Variants in RGS7 observed in about 807,000 individuals in gnomAD.
The protein encoded by RGS7 is regulator of G-protein signaling 7.
Under a neutral mutation model 81.1 loss-of-function variants are expected in RGS7, and 27 were observed. That is an observed-to-expected ratio of 0.33 (90% CI 0.25 to 0.46). The LOEUF is 0.46. RGS7 is among the 20% of genes least tolerant of loss of function. RGS7 has a pLI of 1.00. For missense variants in RGS7, 396 were observed against 607.4 expected, an observed-to-expected ratio of 0.65 and a Z score of 3.66; for synonymous variants, 208 against 207.7, an observed-to-expected ratio of 1.00 and a Z score of -0.01.
Position 241,258,121 on chromosome 1 carries a change from G to A in RGS7, c.78+97578C>T, listed in dbSNP as rs560769415. Among the ~76,000 whole-genome samples, 119 of 152,248 alleles carry A rather than the reference G, an allele frequency of 7.8e-4. 1 individual carries two copies. The highest frequency in any genetic ancestry group is 2.6e-3 in the African/African-American group (108 of 41,550). ...TATATATAGTATTCTGGATTGGCAAGAAGTTTATTTCTTTTTTTATTTCAT... is the reference window on the plus strand; with the variant it reads ...TATATATAGTATTCTGGATTGGCAAAAAGTTTATTTCTTTTTTTATTTCAT... On this transcript the variant is annotated intron_variant, in intron 2 of 18. Coordinates refer to ENST00000440928, the MANE Select transcript of RGS7 (RefSeq NM_001364886.1).
At chr1:240,862,816 A>G (rs1202225007) in intron 9 of RGS7, among the ~76,000 whole-genome samples, 2 of 146,932 alleles carry the variant, frequency 1.4e-5, no homozygotes, top group East Asian at 3.9e-4. Context: ...TTTAAAATTG[A>G]TAGTGATTGC....
intron 2 of RGS7, among the ~76,000 whole-genome samples, chr1:241,190,088 G>GT (rs2072515571): frequency 6.6e-6 from 1 of 150,844 alleles, no homozygotes; most frequent in Admixed American, 6.6e-5. Context: ...GGGCGACAGA[G>GT]CAGACTCCGT....
intron 6 of RGS7, among the ~76,000 whole-genome samples, chr1:240,887,226 G>GTTTTTTTTTTT (rs71297739): frequency 3.9e-5 from 3 of 76,426 alleles, no homozygotes; most frequent in African/African-American, 7.4e-5. Flanking sequence ...GAGTATATAG[G>GTTTTTTTTTTT]TTTTTTTTTT....
intron 3 of RGS7, among the ~76,000 whole-genome samples, chr1:241,016,291 G>A (rs913023132): frequency 1.3e-5 from 2 of 152,086 alleles, no homozygotes; most frequent in Non-Finnish European, 2.9e-5. Context: ...AGGCCAAGGT[G>A]GTCTGATTAT....
At chr1:240,776,373 T>A (rs1682930603) in intron 18 of RGS7, among the ~76,000 whole-genome samples, 160 bp from the exon 19 acceptor site, 1 of 150,668 alleles carries the variant, frequency 6.6e-6, no homozygotes, top group Non-Finnish European at 1.5e-5. Context: ...CCAACCTGCC[T>A]TCCCCCCTCC....
chr1:241,313,629 C>A (rs1401130948), intron 2 of RGS7, among the ~76,000 whole-genome samples: 1 of 152,134 alleles, frequency 6.6e-6, no homozygotes, highest in Non-Finnish European at 1.5e-5. Flanking sequence ...TACTTTAAGT[C>A]TTACAAGTTA....
intron 4 of RGS7, among the ~76,000 whole-genome samples, chr1:240,944,260 A>ATG (rs35591630): frequency 0.068 from 3,492 of 51,624 alleles, 477 homozygotes; most frequent in East Asian, 0.2. Flanking sequence ...GTTATATTAT[A>ATG]TGTGTGTGTG....
intron 6 of RGS7, chr1:240,920,156 T>G: frequency 1.0e-6 from 1 of 970,700 alleles, no homozygotes. Context: ...AATACCACAC[T>G]GTGAATGGCC....
chr1:240,914,755 GA>G (rs200559796), intron 6 of RGS7, among the ~76,000 whole-genome samples: 3 of 150,704 alleles, frequency 2.0e-5, no homozygotes, highest in Admixed American at 2.0e-4. Flanking sequence ...ATCTCACAAA[GA>G]AAAAAAAAGC....
At chr1:240,987,777 G>A (rs1194453965) in intron 3 of RGS7, among the ~76,000 whole-genome samples, 1 of 152,010 alleles carries the variant, frequency 6.6e-6, no homozygotes, top group Non-Finnish European at 1.5e-5. Context: ...TGATCCTCCT[G>A]CTTCAGCCTC....
At chr1:241,256,331 G>A (rs2077050691) in intron 2 of RGS7, among the ~76,000 whole-genome samples, 1 of 152,048 alleles carries the variant, frequency 6.6e-6, no homozygotes. Flanking sequence ...ACTATGCTCT[G>A]AAAAAAATGT....
intron 2 of RGS7, among the ~76,000 whole-genome samples, chr1:241,264,973 C>T (rs1445658498): frequency 6.6e-6 from 1 of 152,322 alleles, no homozygotes; most frequent in South Asian, 2.1e-4. Context: ...GCCAAACAAC[C>T]CTCCTTATTA....
chr1:241,192,159 G>GGTGTGTGTGTGT (rs58714151), intron 2 of RGS7, among the ~76,000 whole-genome samples: 3,119 of 121,868 alleles, frequency 0.026, 80 homozygotes, highest in Middle Eastern at 0.044. Context: ...AGAGAAAACA[G>GGTGTGTGTGTGT]GTGTGTGTGT....
intron 2 of RGS7, among the ~76,000 whole-genome samples, chr1:241,310,899 A>G (rs958650127): frequency 6.6e-6 from 1 of 152,366 alleles, no homozygotes; most frequent in South Asian, 2.1e-4. Flanking sequence ...CACATTTGCA[A>G]GACAGTGGTC....
chr1:241,320,335 T>A (rs1043149842), intron 2 of RGS7, among the ~76,000 whole-genome samples: 1 of 152,190 alleles, frequency 6.6e-6, no homozygotes, highest in African/African-American at 2.4e-5. Context: ...TAAATGCTCA[T>A]CCTTCGGAGA....
At chr1:241,195,898 G>C (rs2073035741) in intron 2 of RGS7, among the ~76,000 whole-genome samples, 1 of 152,054 alleles carries the variant, frequency 6.6e-6, no homozygotes, top group South Asian at 2.1e-4. Context: ...ATTTCAGTAA[G>C]ACAATGAAAA....
At chr1:240,815,172 TA>T (rs1015736017) in intron 11 of RGS7, among the ~76,000 whole-genome samples, 21 of 151,914 alleles carry the variant, frequency 1.4e-4, no homozygotes, top group African/African-American at 5.1e-4. Context: ...ACCCTGTCTG[TA>T]AAAAAATATA....
At position 241,014,165 on chromosome 1, in the gene RGS7, T is replaced by A. The variant is rs571944075; in HGVS notation, c.176-31036A>T. Among the ~76,000 whole-genome samples the A allele has an allele frequency of 2.0e-5, 3 of 152,342 alleles. No individual in the cohort carries two copies. In the East Asian group the frequency reaches 5.8e-4, roughly 29 times the overall value. ...CTATGTTTTCATCTTCTTCTCTTGA[T>A]GAAAATAATTTCTCCTTTCTTTCAC... On this transcript the variant is annotated intron_variant, in intron 3 of 18. Transcript: ENST00000440928.
chr1:241,179,899 T>C (rs995529425), intron 2 of RGS7, among the ~76,000 whole-genome samples: 2 of 152,186 alleles, frequency 1.3e-5, no homozygotes, highest in Admixed American at 1.3e-4. Context: ...AAAGACATAC[T>C]TCCTGATCTT....
Sources: gnomAD v4.1 joint callset for allele counts (sites outside exome capture counted in the v4.1 genomes callset) on GRCh38, gnomAD v4.1.1 for gene constraint, MANE v1.5 for transcripts, NCBI Gene and HGNC (gene_info 2026-07-23, HGNC 2026-07-21) for gene names.